Variants in ABL1 observed in about 807,000 individuals in gnomAD.
ABL1 encodes the protein ABL proto-oncogene 1, non-receptor tyrosine kinase.
Under a neutral mutation model 94.7 loss-of-function variants are expected in ABL1, and 11 were observed. The ratio of observed to expected loss-of-function variants is 0.12; its 90% CI spans 0.07 to 0.19. The LOEUF is 0.19. Ranked by LOEUF, ABL1 falls within the 10% of genes least tolerant of loss-of-function variation. ABL1 has a pLI of 1.00. For missense variants in ABL1, 1,082 were observed against 1,489.4 expected, an observed-to-expected ratio of 0.73 and a Z score of 4.50; for synonymous variants, 656 against 622.4, an observed-to-expected ratio of 1.05 and a Z score of -0.80.
rs1180664470 is a variant in ABL1 at position 130,887,650 on chromosome 9, T to A, written c.*1967T>A. On this transcript the variant is annotated 3_prime_UTR_variant, in exon 11 of 11. Transcript: ENST00000318560. ...CAAATCTGTCCTCTGTAGTATTTTT[T>A]AAATAAATCAGTGTTTACATTAGAA... is the stretch of plus-strand genomic sequence containing the variant. The A allele has an allele frequency of 5.8e-5, 13 of 225,020 alleles. No individual in the cohort carries two copies. Among genetic ancestry groups the A allele is most frequent in the Admixed American group, 2.9e-4 (5 of 17,508 alleles). 13.9% of individuals were successfully genotyped at this position (225,020 alleles called of 1,614,324 possible).
chr9:130,775,968 A>G (rs1398610118), intron 1 of ABL1, among the ~76,000 whole-genome samples: 3 of 152,212 alleles, frequency 2.0e-5, no homozygotes, highest in Non-Finnish European at 4.4e-5. Flanking sequence ...TTTTAAACTT[A>G]GCTAAAATAT....
At chr9:130,799,811 T>C in intron 1 of ABL1, among the ~76,000 whole-genome samples, 1 of 152,178 alleles carries the variant, frequency 6.6e-6, no homozygotes, top group Non-Finnish European at 1.5e-5. Flanking sequence ...TAATGGACGC[T>C]ACCTTGACAG....
chr9:130,761,151 T>C (rs1832109672), intron 1 of ABL1, among the ~76,000 whole-genome samples: 1 of 152,132 alleles, frequency 6.6e-6, no homozygotes, highest in Admixed American at 6.5e-5. Context: ...GTATTTTTAG[T>C]AGAGACAGGG....
intron 1 of ABL1, among the ~76,000 whole-genome samples, chr9:130,819,820 C>T (rs898117829): frequency 5.3e-5 from 8 of 151,706 alleles, no homozygotes; most frequent in Admixed American, 4.6e-4. Context: ...GGATTACACG[C>T]GTGAGCCACC....
chr9:130,718,275 A>C (rs1421279896), intron 1 of ABL1, among the ~76,000 whole-genome samples: 1 of 143,954 alleles, frequency 6.9e-6, no homozygotes, highest in East Asian at 2.2e-4. Context: ...CTGAGATCGC[A>C]CCACTGCACT....
chr9:130,836,441 C>T (rs886287652), intron 1 of ABL1, among the ~76,000 whole-genome samples: 1 of 152,186 alleles, frequency 6.6e-6, no homozygotes, highest in African/African-American at 2.4e-5. Flanking sequence ...CTGGTGCTCC[C>T]AGACCATTGC....
chr9:130,838,915 A>T (rs1588260988), intron 1 of ABL1, among the ~76,000 whole-genome samples: 1 of 151,908 alleles, frequency 6.6e-6, no homozygotes, highest in African/African-American at 2.4e-5. Flanking sequence ...TGTTGTTGTT[A>T]TTGTTGCTTT....
chr9:130,885,081 A>G lies in ABL1; in HGVS notation c.2791A>G (p.Lys931Glu), dbSNP rs1457750494. 1.9e-6 allele frequency: 3 copies of G among 1,610,060 alleles called. No individual in the cohort carries two copies. Among genetic ancestry groups the G allele is most frequent in the Admixed American group, 1.7e-5 (1 of 59,764 alleles). Reference sequence around the variant, plus strand: ...GGCCGGGGAGGCAGTCCTGGGCGCAAAGACAAAAGCCACGAGTCTGGTTGA... The same window carrying G: ...GGCCGGGGAGGCAGTCCTGGGCGCAGAGACAAAAGCCACGAGTCTGGTTGA... ...EAAGEAVLGA[K>E]TKATSLVDAV... Residue 931 changes from lysine (K) to glutamate (E), a missense_variant, in exon 11 of 11, where the codon AAG becomes GAG. Transcript: ENST00000318560.
intron 1 of ABL1, among the ~76,000 whole-genome samples, chr9:130,826,161 T>C (rs952646940): frequency 5.3e-5 from 8 of 152,142 alleles, no homozygotes; most frequent in African/African-American, 1.9e-4. Flanking sequence ...ATTTCTTTTT[T>C]TTTTTTGAGA....
chr9:130,836,409 A>G (rs1039110578), intron 1 of ABL1, among the ~76,000 whole-genome samples: 2 of 152,212 alleles, frequency 1.3e-5, no homozygotes, highest in South Asian at 2.1e-4. Flanking sequence ...CTAGGTGGGT[A>G]TGAAATTGAT....
At chr9:130,714,584 T>A in intron 1 of ABL1, 1 of 1,232,198 alleles carries the variant, frequency 8.1e-7, no homozygotes, top group Non-Finnish European at 1.2e-6. Flanking sequence ...TTACTGTAGT[T>A]ATCTCTTAGT....
chr9:130,718,494 C>G (rs1357900323), intron 1 of ABL1, among the ~76,000 whole-genome samples: 1 of 152,012 alleles, frequency 6.6e-6, no homozygotes, highest in East Asian at 1.9e-4. Context: ...GTATTCATTT[C>G]TAATGTGGTA....
intron 3 of ABL1, among the ~76,000 whole-genome samples, chr9:130,860,011 C>A (rs770418271): frequency 6.6e-6 from 1 of 152,134 alleles, no homozygotes; most frequent in Non-Finnish European, 1.5e-5. Context: ...TTTGACAAGT[C>A]CCATCCTTCA....
intron 3 of ABL1, 120 bp downstream of exon 3, chr9:130,855,216 C>A: frequency 1.7e-6 from 2 of 1,184,004 alleles, no homozygotes; most frequent in Non-Finnish European, 2.4e-6. Context: ...AAGAATCTTT[C>A]AGGTGGGAGT....
intron 1 of ABL1, among the ~76,000 whole-genome samples, chr9:130,782,068 CT>C (rs11437882): frequency 4.0e-5 from 6 of 149,080 alleles, no homozygotes; most frequent in Admixed American, 6.7e-5. Context: ...TTTTCTTTTT[CT>C]TTTTTTTTTG....
chr9:130,821,279 G>C (rs1830359236), intron 1 of ABL1, among the ~76,000 whole-genome samples: 1 of 152,098 alleles, frequency 6.6e-6, no homozygotes, highest in Admixed American at 6.6e-5. Context: ...GATCCCTTTT[G>C]TCCCTTTGCA....
At chr9:130,758,847 G>T (rs535974520) in intron 1 of ABL1, among the ~76,000 whole-genome samples, 1 of 152,116 alleles carries the variant, frequency 6.6e-6, no homozygotes, top group Non-Finnish European at 1.5e-5. Context: ...TGCAGTTTTC[G>T]GTGCATCTCA....
chr9:130,766,334 C>T (rs1046897138), intron 1 of ABL1, among the ~76,000 whole-genome samples: 2 of 152,110 alleles, frequency 1.3e-5, no homozygotes, highest in African/African-American at 4.8e-5. Context: ...AGGAAGAGAT[C>T]CATGACCGCA....
chr9:130,755,476 A>T (rs1303073846), intron 1 of ABL1, among the ~76,000 whole-genome samples: 1 of 152,162 alleles, frequency 6.6e-6, no homozygotes, highest in Non-Finnish European at 1.5e-5. Flanking sequence ...CTGTCCCCTC[A>T]GTGCTTTCTG....
Sources: gnomAD v4.1 joint callset for allele counts (sites outside exome capture counted in the v4.1 genomes callset) on GRCh38, gnomAD v4.1.1 for gene constraint, MANE v1.5 for transcripts, NCBI Gene and HGNC (gene_info 2026-07-23, HGNC 2026-07-21) for gene names.